The following CLSTN2 variants were observed in gnomAD, a reference collection of about 807,000 sequenced individuals.
CLSTN2 encodes calsyntenin 2.
CLSTN2 carries 48 observed loss-of-function variants against 101.2 expected under a neutral mutation model. The observed-to-expected ratio is 0.47, with a 90% CI of 0.38 to 0.60. CLSTN2 has a LOEUF of 0.60. Among genes scored for constraint, CLSTN2 ranks in the 20% least tolerant of loss-of-function variants. CLSTN2 has a pLI of 0.00. For missense variants in CLSTN2, 1,160 were observed against 1,238.2 expected (o/e 0.94, Z 0.95); for synonymous variants, 481 against 463.6 (o/e 1.04, Z -0.48).
chr3:140,116,188 G>A (rs989505749), intron 1 of CLSTN2, among the ~76,000 whole-genome samples: 6 of 151,946 alleles, frequency 3.9e-5, no homozygotes, highest in Non-Finnish European at 7.4e-5. Context: ...AAATCTCCTG[G>A]TCTATTATTG....
At chr3:140,287,563 T>C (rs1478156206) in intron 2 of CLSTN2, among the ~76,000 whole-genome samples, 2 of 152,148 alleles carry the variant, frequency 1.3e-5, no homozygotes, top group Non-Finnish European at 2.9e-5. Context: ...TAAAACAAAA[T>C]TTTAAAGGTT....
chr3:140,031,099 C>A (rs2007537831), intron 1 of CLSTN2, among the ~76,000 whole-genome samples: 1 of 152,176 alleles, frequency 6.6e-6, no homozygotes, highest in South Asian at 2.1e-4. Context: ...TCAACATACA[C>A]TTTTAATTTT....
At chr3:140,032,765 G>T (rs1242778825) in intron 1 of CLSTN2, among the ~76,000 whole-genome samples, 1 of 152,236 alleles carries the variant, frequency 6.6e-6, no homozygotes, top group East Asian at 1.9e-4. Context: ...AGCCCTGTTG[G>T]TTAGTCATCT....
At chr3:140,192,450 G>C (rs1368951932) in intron 2 of CLSTN2, among the ~76,000 whole-genome samples, 2 of 151,826 alleles carry the variant, frequency 1.3e-5, no homozygotes, top group Non-Finnish European at 2.9e-5. Flanking sequence ...AGTTCTACCA[G>C]TTTTTCTTCC....
intron 2 of CLSTN2, among the ~76,000 whole-genome samples, chr3:140,206,532 T>G (rs2010785142): frequency 6.6e-6 from 1 of 152,156 alleles, no homozygotes; most frequent in African/African-American, 2.4e-5. Flanking sequence ...TCTTATCAAA[T>G]ATGAGGACAC....
intron 2 of CLSTN2, among the ~76,000 whole-genome samples, chr3:140,399,449 C>T (rs557229197): frequency 5.3e-5 from 8 of 152,140 alleles, no homozygotes; most frequent in South Asian, 2.1e-4. Context: ...CTTGTCATGA[C>T]GTTTTAAATA....
intron 9 of CLSTN2, among the ~76,000 whole-genome samples, chr3:140,539,923 T>C (rs1009319580): frequency 1.3e-5 from 2 of 152,196 alleles, no homozygotes; most frequent in African/African-American, 4.8e-5. Context: ...CCAAACTCCC[T>C]TGGCATTTTT....
intron 9 of CLSTN2, among the ~76,000 whole-genome samples, chr3:140,542,153 G>A (rs1935492965): frequency 6.6e-6 from 1 of 152,026 alleles, no homozygotes; most frequent in Admixed American, 6.5e-5. Flanking sequence ...CTTACCTGTT[G>A]GACACATTGC....
intron 8 of CLSTN2, among the ~76,000 whole-genome samples, chr3:140,509,786 A>C (rs1284639869): frequency 6.6e-6 from 1 of 152,178 alleles, no homozygotes; most frequent in Non-Finnish European, 1.5e-5. Context: ...CAACACCGTC[A>C]GCTCTACCTC....
intron 1 of CLSTN2, among the ~76,000 whole-genome samples, chr3:140,135,156 AT>A (rs1560105633): frequency 2.4e-4 from 33 of 134,968 alleles, no homozygotes; most frequent in African/African-American, 6.7e-4. Flanking sequence ...ATATATATAT[AT>A]ATATAAAATA....
At chr3:139,963,344 C>T (rs930644202) in intron 1 of CLSTN2, among the ~76,000 whole-genome samples, 1 of 152,164 alleles carries the variant, frequency 6.6e-6, no homozygotes, top group African/African-American at 2.4e-5. Flanking sequence ...CTCTCTCTCT[C>T]TCTTCAGTAC....
At position 140,546,651 on chromosome 3, in the gene CLSTN2, T is replaced by C; in HGVS notation, c.1644T>C (p.Asn548=). 6.2e-7 allele frequency: 1 copy of C among 1,613,600 alleles called. No homozygotes were observed. The highest frequency in any genetic ancestry group is 8.5e-7 in the Non-Finnish European group (1 of 1,179,890). The change falls in exon 10 of 17, where the codon AAT becomes AAC. Residue 548 remains asparagine (N), a synonymous_variant. Coordinates refer to ENST00000458420, the MANE Select transcript of CLSTN2 (RefSeq NM_022131.3). ...LQACKEGLDI[N]SLESLGQGIK... ...CCTGCAAGGAAGGGCTGGACATTAA[T>C]TCCTTGGAAAGCCTTGGCCAAGGAA...
At chr3:140,525,900 T>A (rs906591842) in intron 8 of CLSTN2, among the ~76,000 whole-genome samples, 1 of 152,084 alleles carries the variant, frequency 6.6e-6, no homozygotes, top group African/African-American at 2.4e-5. Flanking sequence ...TTCAACAAAC[T>A]AGGCATCAAA....
rs77254062 is a variant in CLSTN2, at chr3:140,218,999, G to A, written c.232+42926G>A. On this transcript the variant is annotated intron_variant, in intron 2 of 16. Coordinates refer to ENST00000458420, the MANE Select transcript of CLSTN2 (RefSeq NM_022131.3). ...TACACGAGGTTGTTATAGGTGTCAC[G>A]TGAAGCTGTTTTGTTTTGTTTTTAA... Among the ~76,000 whole-genome samples, 11 of 152,232 alleles carry A rather than the reference G, an allele frequency of 7.2e-5. No individual in the cohort carries two copies. The East Asian group carries it at 2.0e-3, about 27-fold the overall frequency.
At chr3:140,086,277 G>T (rs530599703) in intron 1 of CLSTN2, among the ~76,000 whole-genome samples, 2 of 152,174 alleles carry the variant, frequency 1.3e-5, no homozygotes, top group East Asian at 1.9e-4. Context: ...ATGGGAATGG[G>T]ATAGCAGAGC....
At chr3:140,257,286 A>G (rs1258071709) in intron 2 of CLSTN2, among the ~76,000 whole-genome samples, 1 of 152,210 alleles carries the variant, frequency 6.6e-6, no homozygotes, top group Non-Finnish European at 1.5e-5. Flanking sequence ...TCTAATAAGT[A>G]AAAGTATTTA....
At chr3:140,359,278 G>A (rs1484944505) in intron 2 of CLSTN2, among the ~76,000 whole-genome samples, 1 of 152,156 alleles carries the variant, frequency 6.6e-6, no homozygotes, top group Non-Finnish European at 1.5e-5. Flanking sequence ...GCGAGTGAGT[G>A]AGTGAATGAA....
chr3:140,264,908 C>T (rs995721605), intron 2 of CLSTN2, among the ~76,000 whole-genome samples: 3 of 152,116 alleles, frequency 2.0e-5, no homozygotes, highest in Non-Finnish European at 2.9e-5. Flanking sequence ...CAGACTAGAT[C>T]TTGGGATTAT....
intron 5 of CLSTN2, among the ~76,000 whole-genome samples, chr3:140,446,252 A>T (rs1184173677): frequency 2.0e-5 from 3 of 152,124 alleles, no homozygotes; most frequent in Non-Finnish European, 2.9e-5. Context: ...CTGGGAGGGG[A>T]TGGGCTAATC....
Sources: gnomAD v4.1 joint callset for allele counts (sites outside exome capture counted in the v4.1 genomes callset) on GRCh38, gnomAD v4.1.1 for gene constraint, MANE v1.5 for transcripts, NCBI Gene and HGNC (gene_info 2026-07-23, HGNC 2026-07-21) for gene names.